Variants in ABCC5 observed in about 807,000 individuals in gnomAD.
The protein encoded by ABCC5 is ATP-binding cassette sub-family C member 5.
ABCC5 carries 61 observed loss-of-function variants against 160.9 expected under a neutral mutation model. That is an observed-to-expected ratio of 0.38 (90% CI 0.31 to 0.47). ABCC5 has a LOEUF of 0.47. Among genes scored for constraint, ABCC5 ranks in the 20% least tolerant of loss-of-function variants. The probability of loss-of-function intolerance (pLI) is 0.99; values close to 1 mark genes in which losing one functional copy is unlikely to be tolerated. For missense variants in ABCC5, 1,308 were observed against 1,813.3 expected (o/e 0.72, Z 5.06); for synonymous variants, 666 against 700.6 (o/e 0.95, Z 0.78).
chr3:183,937,390 A>G (rs1398108091), intron 26 of ABCC5, among the ~76,000 whole-genome samples: 1 of 152,136 alleles, frequency 6.6e-6, no homozygotes, highest in Middle Eastern at 3.2e-3. Flanking sequence ...CAAACAGAAC[A>G]AAAAAACTGC....
intron 2 of ABCC5, among the ~76,000 whole-genome samples, chr3:183,992,330 C>T (rs1017440283): frequency 1.3e-5 from 2 of 152,104 alleles, no homozygotes; most frequent in African/African-American, 4.8e-5. Context: ...GAACTTTGAT[C>T]TCACCACTAC....
chr3:183,936,265 C>T (rs745962227), intron 26 of ABCC5, among the ~76,000 whole-genome samples: 15 of 152,082 alleles, frequency 9.9e-5, no homozygotes, highest in Admixed American at 3.9e-4. Context: ...CACCCATCCC[C>T]GGCCTTCCCA....
intron 25 of ABCC5, 47 bp downstream of exon 25, chr3:183,942,678 TAA>T (rs761901861): frequency 6.3e-7 from 1 of 1,586,332 alleles, no homozygotes; most frequent in Non-Finnish European, 8.6e-7. Context: ...TGATATTTCA[TAA>T]ACTGCTACGT....
Position 183,995,281 on chromosome 3 carries a change from TTG to T in ABCC5, c.130-5900_130-5899del, listed in dbSNP as rs572063128. Among the ~76,000 whole-genome samples the T allele has an allele frequency of 2.5e-3, 379 of 152,350 alleles. 4 individuals carry two copies. Among genetic ancestry groups the T allele is most frequent in the African/African-American group, 8.3e-3 (347 of 41,574 alleles). On this transcript the variant is annotated intron_variant, in intron 2 of 29. Transcript: ENST00000334444. ...TTAGGGCCATTCATGCAGCAAAAGT[TTG>T]TAATTTTGAAGTCTAATTTACCAAT...
At chr3:183,933,408 C>A (rs1478861737) in intron 26 of ABCC5, among the ~76,000 whole-genome samples, 1 of 152,056 alleles carries the variant, frequency 6.6e-6, no homozygotes, top group East Asian at 1.9e-4. Context: ...AAAAACACTC[C>A]AGCTGCGGGG....
At chr3:183,976,417 G>C (rs1390744404) in intron 10 of ABCC5, among the ~76,000 whole-genome samples, 1 of 151,834 alleles carries the variant, frequency 6.6e-6, no homozygotes, top group African/African-American at 2.4e-5. Flanking sequence ...ACTGCACCTG[G>C]CTATTTTTTT....
intron 2 of ABCC5, among the ~76,000 whole-genome samples, chr3:184,004,326 A>G (rs553503150): frequency 6.6e-6 from 1 of 152,092 alleles, no homozygotes; most frequent in South Asian, 2.1e-4. Flanking sequence ...CCTGGCCAAC[A>G]TGGTGAAATC....
In ABCC5 at chr3:183,951,928, C is replaced by G; in HGVS notation, c.2743G>C (p.Ala915Pro). ...GCCATGGAGAGGGCGTAGATGCTGGCATAGTACTGCATATGAGGATTGTCC... is the reference window on the plus strand; with the variant it reads ...GCCATGGAGAGGGCGTAGATGCTGGGATAGTACTGCATATGAGGATTGTCC... The part of the protein sequence containing the change: ...MKDNPHMQYY[A>P]SIYALSMAVM... The change falls in exon 19 of 30, where the codon GCC becomes CCC. Residue 915 changes from alanine to proline, a missense_variant. Coordinates refer to ENST00000334444, the MANE Select transcript of ABCC5 (RefSeq NM_005688.4). This position sits in a 1 kb window ranked among gnomAD's most constrained non-coding sequence, Gnocchi z 4.7. 1.2e-6 allele frequency: 2 copies of G among 1,614,064 alleles called. No individual in the cohort carries two copies. The highest frequency in any genetic ancestry group is 1.7e-6 in the Non-Finnish European group (2 of 1,179,922).
chr3:183,921,504 C>A lies in ABCC5; in HGVS notation c.4213-103G>T. On this transcript the variant is annotated intron_variant, in intron 29 of 29. Transcript: ENST00000334444. The surrounding 1 kb of genome is among the most constrained non-coding windows in gnomAD (Gnocchi z 4.1). The stretch of plus-strand genomic sequence containing the variant: ...TGCCAGTGCCCTCTGAGGGTAGAAT[C>A]TGGGGACAATTCAACTAGCCCTGCG... 9.5e-7 allele frequency: 1 copy of A among 1,051,034 alleles called. No homozygotes were observed. 65.1% of individuals were successfully genotyped at this position (1,051,034 alleles called of 1,614,324 possible). A position where few individuals can be genotyped will look rare whatever the true frequency, so the allele number is the denominator to read the frequency against.
At chr3:183,966,717 G>A (rs1717252394) in intron 12 of ABCC5, among the ~76,000 whole-genome samples, 1 of 152,066 alleles carries the variant, frequency 6.6e-6, no homozygotes, top group African/African-American at 2.4e-5. Context: ...ACTGGAGAGT[G>A]TCATAAAGCA....
intron 10 of ABCC5, among the ~76,000 whole-genome samples, chr3:183,976,868 A>C (rs1156291768): frequency 6.6e-6 from 1 of 152,112 alleles, no homozygotes; most frequent in Non-Finnish European, 1.5e-5. Flanking sequence ...ATTAACCACT[A>C]TCAAATATCT....
At chr3:183,952,310 C>A (rs929193371) in intron 18 of ABCC5, among the ~76,000 whole-genome samples, 25 of 152,110 alleles carry the variant, frequency 1.6e-4, no homozygotes, top group Admixed American at 1.6e-3. Context: ...CCATGCCCAG[C>A]TAATTTTTGT....
chr3:183,983,074 T>G, intron 5 of ABCC5, 67 bp from the exon 6 acceptor site: 1 of 1,439,822 alleles, frequency 6.9e-7, no homozygotes, highest in Non-Finnish European at 9.7e-7. Context: ...CATAGTTTTA[T>G]GTTAAGTTAG....
intron 11 of ABCC5, among the ~76,000 whole-genome samples, 182 bp from the exon 12 acceptor site, chr3:183,967,948 C>T (rs761138336): frequency 1.3e-5 from 2 of 152,190 alleles, no homozygotes; most frequent in South Asian, 2.1e-4. Context: ...TCTGTGGAGA[C>T]ACCTGAGATA....
chr3:183,987,872 G>A lies in ABCC5; in HGVS notation c.489C>T (p.Asp163=), dbSNP rs774741461. The A allele has an allele frequency of 2.9e-5, 47 of 1,614,042 alleles. No homozygotes were observed. Among genetic ancestry groups the A allele is most frequent in the Middle Eastern group, 1.6e-4 (1 of 6,082 alleles). ...WQEELNEVGP[D]AASLRRVVWI... ...ACACAACCCTTCGCAGGGAAGCAGC[G>A]TCTGGCCCAACTTCATTCAGCTCTT... The change falls in exon 5 of 30, where the codon GAC becomes GAT. Residue 163 remains aspartate, a synonymous_variant. Coordinates refer to ENST00000334444, the MANE Select transcript of ABCC5 (RefSeq NM_005688.4). This position sits in a 1 kb window ranked among gnomAD's most constrained non-coding sequence, Gnocchi z 4.2.
chr3:184,008,107 T>C (rs1034740591), intron 2 of ABCC5, among the ~76,000 whole-genome samples: 1 of 114,024 alleles, frequency 8.8e-6, no homozygotes, highest in Non-Finnish European at 1.8e-5. Flanking sequence ...TACAGTCATC[T>C]ATGTAGAGTA....
Position 183,920,261 on chromosome 3 carries a change from T to C in ABCC5, c.*1039A>G, listed in dbSNP as rs1711849511. On this transcript the variant is annotated 3_prime_UTR_variant, in exon 30 of 30. Coordinates refer to ENST00000334444, the MANE Select transcript of ABCC5 (RefSeq NM_005688.4). This position sits in a 1 kb window ranked among gnomAD's most constrained non-coding sequence, Gnocchi z 4.1. ...TGAGGGGAGAGAGAGAGAGAGACTG[T>C]GCGACGACTGCGGTGAGAAAGGAAA... 6.6e-6 allele frequency: 1 copy of C among 152,620 alleles called. No individual in the cohort carries two copies. Among genetic ancestry groups the C allele is most frequent in the African/African-American group, 2.4e-5 (1 of 41,418 alleles). 9.5% of individuals were successfully genotyped at this position (152,620 alleles called of 1,614,324 possible).
rs374649112 is a variant in ABCC5, at chr3:183,942,930, G to T, written c.3505-14C>A. ...CAAGGACAGAGTCTGGGGAGACAAG[G>T]GTGGCCAGTTCAGACTGACCACAGA... On this transcript the variant is annotated splice_polypyrimidine_tract_variant and intron_variant, in intron 24 of 29. Transcript: ENST00000334444. The T allele has an allele frequency of 7.4e-5, 119 of 1,603,788 alleles. 1 individual carries two copies. The highest frequency in any genetic ancestry group is 1.8e-4 in the Middle Eastern group (1 of 5,634).
At position 183,982,300 on chromosome 3, in the gene ABCC5, A is replaced by T; in HGVS notation, c.999+151T>A. 1.2e-6 allele frequency: 1 copy of T among 868,230 alleles called. No individual in the cohort carries two copies. The highest frequency in any genetic ancestry group is 1.8e-6 in the Non-Finnish European group (1 of 570,866). The allele number at this position is 868,230 out of a possible 1,614,324, so 53.8% of individuals were successfully genotyped here. ...TCTCAAGTCAAAATTCTGTCCCTAT[A>T]GAGCAAGCACTATCGAGCTCTAGAT... On this transcript the variant is annotated intron_variant, in intron 7 of 29. Coordinates refer to ENST00000334444, the MANE Select transcript of ABCC5 (RefSeq NM_005688.4). This position sits in a 1 kb window ranked among gnomAD's most constrained non-coding sequence, Gnocchi z 5.2.
Sources: gnomAD v4.1 joint callset for allele counts (sites outside exome capture counted in the v4.1 genomes callset) on GRCh38, gnomAD v4.1.1 for gene constraint, Gnocchi (gnomAD v3.1) non-coding constraint, MANE v1.5 for transcripts, NCBI Gene and HGNC (gene_info 2026-07-23, HGNC 2026-07-21) for gene names.